The following DYNC2I1 variants were observed in gnomAD, a reference collection of about 807,000 sequenced individuals.
DYNC2I1 encodes the protein cytoplasmic dynein 2 intermediate chain 1.
DYNC2I1 carries 89 observed loss-of-function variants against 133.4 expected under a neutral mutation model. The observed-to-expected ratio is 0.67, with a 90% confidence interval of 0.56 to 0.80. The LOEUF is 0.80. DYNC2I1 is among the 30% of genes least tolerant of loss of function. The pLI, the probability that DYNC2I1 is intolerant of heterozygous loss-of-function variation, is 0.00. For synonymous variants in DYNC2I1, 504 were observed against 484.3 expected, an observed-to-expected ratio of 1.04 and a Z score of -0.54; for missense variants, 1,291 against 1,314.5, an observed-to-expected ratio of 0.98 and a Z score of 0.28.
chr7:158,895,332 A>C (rs919259244), intron 8 of DYNC2I1, among the ~76,000 whole-genome samples: 1 of 152,182 alleles, frequency 6.6e-6, no homozygotes, highest in Non-Finnish European at 1.5e-5. Flanking sequence ...GAGGGGTGTA[A>C]GGTCTGTCTA....
At chr7:158,900,728 T>TC (rs1846156130) in intron 8 of DYNC2I1, among the ~76,000 whole-genome samples, 1 of 136,586 alleles carries the variant, frequency 7.3e-6, no homozygotes, top group African/African-American at 3.0e-5. Context: ...GATATTTTGT[T>TC]CTGTTTTTTT....
upstream of DYNC2I1, among the ~76,000 whole-genome samples, chr7:158,853,619 T>C (rs1220696754): frequency 1.3e-5 from 2 of 151,908 alleles, no homozygotes; most frequent in Non-Finnish European, 2.9e-5. Context: ...AGAAAGAATT[T>C]AATTCACGCA....
chr7:158,869,314 A>T lies in DYNC2I1; in HGVS notation c.16-541A>T, dbSNP rs6977670. 2,245 of 362,072 alleles carry T rather than the reference A, an allele frequency of 6.2e-3. 41 individuals are homozygous for T. The highest frequency in any genetic ancestry group is 0.045 in the African/African-American group (2,088 of 46,368). The allele number at this position is 362,072 out of a possible 1,614,324, so 22.4% of individuals were successfully genotyped here. On this transcript the variant is annotated intron_variant, in intron 1 of 24. Transcript: ENST00000407559. ...GGACCCTCTGGGCTGTGGCATCTGC[A>T]GGGGCCTCTCCCCAGGGCTGCTTCT...
intron 6 of DYNC2I1, 104 bp downstream of exon 6, chr7:158,884,723 C>T: frequency 1.6e-6 from 2 of 1,217,774 alleles, no homozygotes; most frequent in Non-Finnish European, 2.3e-6. Context: ...CCATGGCAAT[C>T]AGTTATAGAT....
chr7:158,912,084 C>T (rs767993623), intron 12 of DYNC2I1, among the ~76,000 whole-genome samples: 3 of 152,336 alleles, frequency 2.0e-5, no homozygotes, highest in Admixed American at 1.3e-4. Flanking sequence ...AAGTGATTCT[C>T]GTGCCTCAGC....
the DYNC2I1 span, among the ~76,000 whole-genome samples, chr7:158,841,208 TATATA>T: frequency 2.7e-3 from 195 of 73,170 alleles, 2 homozygotes; most frequent in African/African-American, 3.2e-3. Context: ...TATATATATA[TATATA>T]TATATATATT....
At chr7:158,902,126 G>A (rs368205008) in intron 9 of DYNC2I1, among the ~76,000 whole-genome samples, 138 of 152,268 alleles carry the variant, frequency 9.1e-4, no homozygotes, top group African/African-American at 3.0e-3. Flanking sequence ...ATGTTTGCAC[G>A]TGATGATAGT....
the DYNC2I1 span, among the ~76,000 whole-genome samples, chr7:158,849,975 G>C: frequency 2.0e-5 from 3 of 152,316 alleles, no homozygotes; most frequent in East Asian, 3.9e-4. Context: ...CCTTACTGGG[G>C]GCCTGGCCCT....
Position 158,945,892 on chromosome 7 carries a change from C to A in DYNC2I1, c.*113C>A. The A allele has an allele frequency of 2.0e-6, 2 of 1,015,772 alleles. No individual in the cohort carries two copies. The highest frequency in any genetic ancestry group is 1.3e-6 in the Non-Finnish European group (1 of 748,392). 62.9% of individuals were successfully genotyped at this position (1,015,772 alleles called of 1,614,324 possible). A position where few individuals can be genotyped will look rare whatever the true frequency, so the allele number is the denominator to read the frequency against. On this transcript the variant is annotated 3_prime_UTR_variant, in exon 25 of 25. Coordinates refer to ENST00000407559, the MANE Select transcript of DYNC2I1 (RefSeq NM_018051.5). The surrounding 1 kb of genome is among the most constrained non-coding windows in gnomAD (Gnocchi z 4.1). Reference sequence around the variant, plus strand: ...TTTATGTATATAGACTATGTATATTCTGTATATAATTTATTTTACATGAAT... The same window carrying A: ...TTTATGTATATAGACTATGTATATTATGTATATAATTTATTTTACATGAAT...
At chr7:158,955,643 G>A (rs1015207739) in intron 4 of DYNC2I1, among the ~76,000 whole-genome samples, 1 of 152,196 alleles carries the variant, frequency 6.6e-6, no homozygotes, top group African/African-American at 2.4e-5. Flanking sequence ...GCCTGCAGGC[G>A]TATTTTGTTT....
chr7:158,947,247 C>T (rs1851916285), downstream of DYNC2I1, among the ~76,000 whole-genome samples: 1 of 152,194 alleles, frequency 6.6e-6, no homozygotes, highest in Admixed American at 6.5e-5. Context: ...CCCAGGTTCA[C>T]AGTTGCGTGG....
Position 158,901,754 on chromosome 7 carries a change from G to C in DYNC2I1, c.1075G>C (p.Glu359Gln), listed in dbSNP as rs770306000. Residue 359 changes from glutamate to glutamine, a missense_variant, in exon 9 of 25, where the codon GAA becomes CAA. Glu to Gln is a conservative substitution (Grantham distance 29). Transcript: ENST00000407559. ...GEETVEIEKE[E>Q]TDLENARADA... ...TTACCTCTAGGAAATTGAAAAGGAA[G>C]AAACTGATTTAGAAAATGCTAGAGC... The C allele has an allele frequency of 6.3e-7, 1 of 1,577,900 alleles. No individual in the cohort carries two copies. The highest frequency in any genetic ancestry group is 8.6e-7 in the Non-Finnish European group (1 of 1,162,192).
chr7:158,902,337 T>A, intron 9 of DYNC2I1, 39 bp from the exon 10 acceptor site: 1 of 1,564,636 alleles, frequency 6.4e-7, no homozygotes, highest in African/African-American at 1.4e-5. Flanking sequence ...GAAAGTCAGT[T>A]TGTCTTAAAG....
At chr7:158,862,647 G>A (rs1396090028) in intron 1 of DYNC2I1, among the ~76,000 whole-genome samples, 1 of 151,958 alleles carries the variant, frequency 6.6e-6, no homozygotes, top group Non-Finnish European at 1.5e-5. Flanking sequence ...TTGAGCACAG[G>A]AGGTCAAGGC....
intron 4 of DYNC2I1, among the ~76,000 whole-genome samples, chr7:158,956,102 C>T (rs551909502): frequency 1.3e-5 from 2 of 152,224 alleles, no homozygotes; most frequent in Admixed American, 6.5e-5. Context: ...CTGTTTTTCT[C>T]TCATGTGAGC....
At chr7:158,913,337 A>T (rs1198976731) in intron 13 of DYNC2I1, among the ~76,000 whole-genome samples, 1 of 152,198 alleles carries the variant, frequency 6.6e-6, no homozygotes, top group Non-Finnish European at 1.5e-5. Context: ...CATTGCCAGG[A>T]TTTATGACAG....
chr7:158,947,438 C>T (rs951805166), downstream of DYNC2I1, among the ~76,000 whole-genome samples: 2 of 152,212 alleles, frequency 1.3e-5, no homozygotes, highest in African/African-American at 4.8e-5. Context: ...CTTTGGGCCT[C>T]TTCTGGGCTT....
At chr7:158,956,513 C>T (rs1195629550) in intron 4 of DYNC2I1, 1 of 152,406 alleles carries the variant, frequency 6.6e-6, no homozygotes, top group Non-Finnish European at 1.5e-5. Flanking sequence ...GGACCTGTGT[C>T]GGGAACCTTC....
chr7:158,874,842 C>T (rs912555013), intron 3 of DYNC2I1, among the ~76,000 whole-genome samples: 6 of 152,210 alleles, frequency 3.9e-5, no homozygotes, highest in Non-Finnish European at 8.8e-5. Flanking sequence ...AATACAAACG[C>T]AGTGTACCCC....
Sources: gnomAD v4.1 joint callset for allele counts (sites outside exome capture counted in the v4.1 genomes callset) on GRCh38, gnomAD v4.1.1 for gene constraint, Gnocchi (gnomAD v3.1) non-coding constraint, MANE v1.5 for transcripts, NCBI Gene and HGNC (gene_info 2026-07-23, HGNC 2026-07-21) for gene names.